Variants in MEIS2 observed in about 807,000 individuals in gnomAD.
MEIS2 encodes homeobox protein Meis2.
MEIS2 carries 9 observed loss-of-function variants against 58.6 expected under a neutral mutation model. The observed-to-expected ratio is 0.15, with a 90% CI of 0.09 to 0.27. The LOEUF (loss-of-function observed/expected upper bound fraction) is 0.27, where lower values mean the gene tolerates loss of function less well. MEIS2 is among the 10% of genes least tolerant of loss of function. The pLI, the probability that MEIS2 is intolerant of heterozygous loss-of-function variation, is 1.00. For missense variants in MEIS2, 427 were observed against 635.0 expected (o/e 0.67, Z 3.52); for synonymous variants, 221 against 228.4 (o/e 0.97, Z 0.29).
intron 9 of MEIS2, among the ~76,000 whole-genome samples, chr15:36,910,612 T>G (rs1278339551): frequency 2.0e-5 from 3 of 152,252 alleles, no homozygotes; most frequent in Non-Finnish European, 4.4e-5. Context: ...TCTTTAGATT[T>G]CCCCAAGTCA....
At chr15:37,048,610 C>T (rs957241584) in intron 7 of MEIS2, among the ~76,000 whole-genome samples, 2 of 151,924 alleles carry the variant, frequency 1.3e-5, no homozygotes, top group African/African-American at 4.8e-5. Context: ...TTCCACTTTG[C>T]CAACTATTGT....
At chr15:37,048,333 T>C (rs2062765317) in intron 7 of MEIS2, among the ~76,000 whole-genome samples, 1 of 152,102 alleles carries the variant, frequency 6.6e-6, no homozygotes, top group African/African-American at 2.4e-5. Context: ...AAATGTCAGC[T>C]AAGTATTTAT....
intron 8 of MEIS2, among the ~76,000 whole-genome samples, chr15:37,017,308 C>T (rs923168817): frequency 1.1e-4 from 17 of 152,166 alleles, no homozygotes; most frequent in African/African-American, 4.1e-4. Flanking sequence ...GAATAATCGT[C>T]TACACAGAGT....
Position 36,892,173 on chromosome 15 carries a change from C to T in MEIS2, c.1434G>A (p.Ter478=), listed in dbSNP as rs2055894558. Residue 478 remains the stop codon, a stop_retained_variant, in exon 12 of 12, where the codon TAG becomes TAA. Coordinates refer to ENST00000561208, the MANE Select transcript of MEIS2 (RefSeq NM_170675.5). ...GGQVMDIHAQ[*] Reference sequence around the variant, plus strand: ...TCCTTTTCCCTTGAGTTCCCTTATACTATTGGGCATGAATGTCCATAACCT... The same window carrying T: ...TCCTTTTCCCTTGAGTTCCCTTATATTATTGGGCATGAATGTCCATAACCT... The T allele has an allele frequency of 1.2e-6, 2 of 1,614,092 alleles. No homozygotes were observed. Among genetic ancestry groups the T allele is most frequent in the Non-Finnish European group, 1.7e-6 (2 of 1,179,946 alleles).
At position 37,098,070 on chromosome 15, in the gene MEIS2, T is replaced by C. The variant is rs1596139159; in HGVS notation, c.142A>G (p.Thr48Ala). Residue 48 changes from threonine to alanine, a missense_variant, in exon 2 of 12, where the codon ACA (threonine) becomes GCA (alanine). Thr to Ala is a moderately conservative substitution (Grantham distance 58). Transcript: ENST00000561208. ...GGGGCGTGCGCGCCGTAGTGCTGTG[T>C]GGCGTGGAGCGGCGGCCCGTGGTTC... ...HLNHGPPLHATQHYGAHAPHP... is the reference protein window; with the variant it reads ...HLNHGPPLHAAQHYGAHAPHP... 1 of 1,613,844 alleles carries C rather than the reference T, an allele frequency of 6.2e-7. No individual in the cohort carries two copies. Among genetic ancestry groups the C allele is most frequent in the Non-Finnish European group, 8.5e-7 (1 of 1,179,960 alleles).
At chr15:37,018,816 CA>C (rs2061430366) in intron 8 of MEIS2, among the ~76,000 whole-genome samples, 1 of 152,150 alleles carries the variant, frequency 6.6e-6, no homozygotes, top group Non-Finnish European at 1.5e-5. Flanking sequence ...ACACATAATA[CA>C]AAACTTCCAA....
chr15:36,969,746 A>G (rs957416021), intron 8 of MEIS2, among the ~76,000 whole-genome samples: 5 of 152,228 alleles, frequency 3.3e-5, no homozygotes, highest in Non-Finnish European at 7.3e-5. Flanking sequence ...TTAAATTAGT[A>G]TGTTTGCATT....
intron 1 of MEIS2, 189 bp downstream of exon 1, chr15:37,099,266 A>G: frequency 6.9e-7 from 1 of 1,452,954 alleles, no homozygotes; most frequent in Non-Finnish European, 9.1e-7. Flanking sequence ...GCACGCACAC[A>G]CACTCGCACA....
intron 8 of MEIS2, among the ~76,000 whole-genome samples, chr15:37,030,633 A>C (rs960650502): frequency 2.7e-5 from 4 of 146,092 alleles, no homozygotes; most frequent in African/African-American, 9.8e-5. Context: ...CATCGCCCCC[A>C]GCCTGGATAT....
intron 8 of MEIS2, among the ~76,000 whole-genome samples, chr15:36,960,507 C>G (rs1451559068): frequency 6.6e-6 from 1 of 152,040 alleles, no homozygotes; most frequent in East Asian, 1.9e-4. Flanking sequence ...GGCTAGGAAA[C>G]ACAACCCCTT....
chr15:37,024,150 G>A (rs1376132313), intron 8 of MEIS2, among the ~76,000 whole-genome samples: 1 of 151,742 alleles, frequency 6.6e-6, no homozygotes, highest in Non-Finnish European at 1.5e-5. Flanking sequence ...CACCCGCCTC[G>A]GCCTCCCAAA....
chr15:37,097,837 G>A, intron 2 of MEIS2, 130 bp downstream of exon 2: 1 of 1,364,338 alleles, frequency 7.3e-7, no homozygotes, highest in Non-Finnish European at 9.6e-7. Context: ...CCTTCCTAAG[G>A]CAAGCGGCGC....
intron 8 of MEIS2, among the ~76,000 whole-genome samples, chr15:37,019,675 T>A (rs978855564): frequency 6.6e-6 from 1 of 151,930 alleles, no homozygotes; most frequent in Non-Finnish European, 1.5e-5. Context: ...GAGAGCATAG[T>A]GTGGGGAGGA....
chr15:37,040,055 T>TTG (rs2062352154), intron 7 of MEIS2, among the ~76,000 whole-genome samples: 1 of 151,094 alleles, frequency 6.6e-6, no homozygotes, highest in Non-Finnish European at 1.5e-5. Flanking sequence ...GTGTTTTTTT[T>TTG]TTTTTGTTTT....
chr15:36,909,801 T>C (rs1388614130), intron 9 of MEIS2, among the ~76,000 whole-genome samples: 1 of 123,656 alleles, frequency 8.1e-6, no homozygotes, highest in Non-Finnish European at 1.6e-5. Flanking sequence ...TTGACTCAAG[T>C]GGAGAGGAAT....
chr15:36,989,905 G>C (rs1010761301), intron 8 of MEIS2, among the ~76,000 whole-genome samples: 3 of 152,082 alleles, frequency 2.0e-5, no homozygotes, highest in Non-Finnish European at 4.4e-5. Flanking sequence ...CTTGAAGTGG[G>C]GGCATTGTAT....
intron 8 of MEIS2, among the ~76,000 whole-genome samples, chr15:36,966,789 G>T (rs560513300): frequency 7.9e-5 from 12 of 152,262 alleles, no homozygotes; most frequent in African/African-American, 2.9e-4. Flanking sequence ...TACAGAGATA[G>T]AAAATAACTG....
At chr15:37,005,778 CA>C (rs2060900217) in intron 8 of MEIS2, among the ~76,000 whole-genome samples, 1 of 152,136 alleles carries the variant, frequency 6.6e-6, no homozygotes, top group South Asian at 2.1e-4. Flanking sequence ...AGGCTGGTCT[CA>C]AACTTCTGAG....
At chr15:37,039,348 A>G (rs1442811906) in intron 7 of MEIS2, among the ~76,000 whole-genome samples, 1 of 152,230 alleles carries the variant, frequency 6.6e-6, no homozygotes, top group African/African-American at 2.4e-5. Context: ...ATTTCTTTCT[A>G]AGCACATATG....
Sources: allele counts gnomAD v4.1 joint callset (sites outside exome capture counted in the v4.1 genomes callset), GRCh38; gene constraint gnomAD v4.1.1; transcripts MANE v1.5; gene names NCBI Gene and HGNC (gene_info 2026-07-23, HGNC 2026-07-21).